Variants in ACTL6A observed in about 807,000 individuals in gnomAD.
ACTL6A encodes the protein actin-like protein 6A.
A neutral mutation model predicts 59.2 loss-of-function variants in ACTL6A; 5 were observed. The observed-to-expected ratio is 0.08, with a 90% CI of 0.04 to 0.18. ACTL6A has a LOEUF of 0.18. Among genes scored for constraint, ACTL6A ranks in the 10% least tolerant of loss-of-function variants. The pLI is 1.00. For missense variants in ACTL6A, 285 were observed against 526.9 expected (o/e 0.54, Z 4.49); for synonymous variants, 154 against 171.8 (o/e 0.90, Z 0.81).
chr3:179,563,860 G>A (rs1196268597), intron 1 of ACTL6A, among the ~76,000 whole-genome samples: 1 of 152,134 alleles, frequency 6.6e-6, no homozygotes, highest in Admixed American at 6.5e-5. Context: ...GGTGTGGTAG[G>A]AAGATTACCA....
intron 8 of ACTL6A, among the ~76,000 whole-genome samples, chr3:179,577,701 A>G (rs578115471): frequency 6.6e-6 from 1 of 152,120 alleles, no homozygotes; most frequent in East Asian, 1.9e-4. Context: ...CTCATCATCT[A>G]GCTCTCACTT....
chr3:179,580,848 G>A (rs762269504), intron 9 of ACTL6A, 46 bp from the exon 10 acceptor site: 2 of 1,505,148 alleles, frequency 1.3e-6, no homozygotes, highest in Non-Finnish European at 1.8e-6. Flanking sequence ...ATTTTGAAGA[G>A]AATTATTTTT....
At chr3:179,565,950 C>T (rs191313899) in intron 1 of ACTL6A, among the ~76,000 whole-genome samples, 106 of 152,030 alleles carry the variant, frequency 7.0e-4, no homozygotes, top group African/African-American at 2.3e-3. Context: ...TTGTAGTTTC[C>T]CGGTTGAGAT....
At chr3:179,576,074 T>C in intron 5 of ACTL6A, 143 bp from the exon 6 acceptor site, 1 of 601,654 alleles carries the variant, frequency 1.7e-6, no homozygotes, top group Non-Finnish European at 2.9e-6. Flanking sequence ...CCAATTTTTA[T>C]CCCTAGATTC....
chr3:179,583,260 A>G (rs1718387264), intron 11 of ACTL6A, 93 bp from the exon 12 acceptor site: 2 of 971,582 alleles, frequency 2.1e-6, no homozygotes, highest in South Asian at 1.5e-5. Context: ...CGAAAGGGAA[A>G]TTGTAGTAGA....
At chr3:179,575,470 G>A (rs138438642) in intron 5 of ACTL6A, 2 of 456,448 alleles carry the variant, frequency 4.4e-6, no homozygotes, top group African/African-American at 4.0e-5. Flanking sequence ...GTGCACCATT[G>A]TGTGTCTACT....
Position 179,584,328 on chromosome 3 carries a change from A to G in ACTL6A, c.1122+880A>G, listed in dbSNP as rs555553354. The stretch of plus-strand genomic sequence containing the variant: ...ACAGAATGACAGTTATAATCTTTTA[A>G]CTTTAAAATTTCTATCAGCTGGGCG... On this transcript the variant is annotated intron_variant, in intron 12 of 13. Transcript: ENST00000429709. 2.6e-5 allele frequency: 4 copies of G among 152,326 alleles called. No homozygotes were observed. The East Asian group carries it at 7.7e-4, about 29-fold the overall frequency. 9.4% of individuals were successfully genotyped at this position (152,326 alleles called of 1,614,324 possible). A position where few individuals can be genotyped will look rare whatever the true frequency, so the allele number is the denominator to read the frequency against.
chr3:179,586,340 C>T (rs1235533212), intron 12 of ACTL6A: 1 of 399,526 alleles, frequency 2.5e-6, no homozygotes, highest in Admixed American at 4.8e-5. Context: ...ATTGAATTTC[C>T]TGGCTGGGTG....
At position 179,576,283 on chromosome 3, in the gene ACTL6A, A is replaced by G. The variant is rs137876412; in HGVS notation, c.543A>G (p.Pro181=). ...GAGCCACTCATACCACTGCAATTCC[A>G]GTCCACGATGGCTATGTCCTTCAAC... ...DSGATHTTAI[P]VHDGYVLQQG... Residue 181 remains proline (P), a synonymous_variant, in exon 6 of 14, where the codon CCA becomes CCG. Coordinates refer to ENST00000429709, the MANE Select transcript of ACTL6A (RefSeq NM_004301.5). The G allele has an allele frequency of 3.1e-6, 5 of 1,606,598 alleles. No homozygotes were observed. The African/African-American group carries it at 6.7e-5, about 22-fold the overall frequency.
chr3:179,583,266 G>A, intron 11 of ACTL6A, 87 bp from the exon 12 acceptor site: 1 of 1,026,548 alleles, frequency 9.7e-7, no homozygotes, highest in South Asian at 1.4e-5. Context: ...GGAAATTGTA[G>A]TAGAGCACAT....
rs1458097474 is a variant in ACTL6A at position 179,576,907 on chromosome 3, G to T, written c.762G>T (p.Met254Ile). The T allele has an allele frequency of 2.5e-6, 4 of 1,611,714 alleles. No individual in the cohort carries two copies. Among genetic ancestry groups the T allele is most frequent in the Non-Finnish European group, 3.4e-6 (4 of 1,179,016 alleles). ...TTACGAGGTCTTGGCACAATTATAT[G>T]TGTAATGTAAGTAACCCTCATTCTC... The part of the protein sequence containing the change: ...PQVTRSWHNY[M>I]CNCVIQDFQA... Residue 254 changes from methionine (M) to isoleucine (I), a missense_variant, in exon 8 of 14, where the codon ATG becomes ATT. Physicochemically the swap from Met to Ile is conservative, Grantham distance 10. Coordinates refer to ENST00000429709, the MANE Select transcript of ACTL6A (RefSeq NM_004301.5).
chr3:179,569,537 G>A (rs1717939815), intron 1 of ACTL6A, among the ~76,000 whole-genome samples: 1 of 152,166 alleles, frequency 6.6e-6, no homozygotes, highest in African/African-American at 2.4e-5. Context: ...AGGTTCAAGT[G>A]AGTAATAATA....
At chr3:179,573,244 C>G (rs1718066248) in intron 3 of ACTL6A, 125 bp from the exon 4 acceptor site, 1 of 584,722 alleles carries the variant, frequency 1.7e-6, no homozygotes, top group South Asian at 3.0e-5. Context: ...TGAAGTTGAT[C>G]TGTAAAATCA....
At chr3:179,581,056 A>G (rs1718324802) in intron 10 of ACTL6A, 48 bp downstream of exon 10, 1 of 1,600,932 alleles carries the variant, frequency 6.2e-7, no homozygotes, top group South Asian at 1.1e-5. Context: ...TATATAGGTA[A>G]AGAGCTTTTG....
Position 179,581,008 on chromosome 3 carries a change from G to A in ACTL6A, c.945G>A (p.Lys315=). The A allele has an allele frequency of 6.3e-7, 1 of 1,594,416 alleles. No individual in the cohort carries two copies. The highest frequency in any genetic ancestry group is 8.5e-7 in the Non-Finnish European group (1 of 1,174,602). ...PEGLFDPSNV[K]GLSGNTMLGV... is the part of the protein sequence containing the mutation. ...GATTATTTGACCCTTCCAATGTAAA[G>A]GTATAAAAGCTTATTTCATAATTAG... Residue 315 remains lysine, a splice_region_variant and synonymous_variant, in exon 10 of 14, where the codon AAG becomes AAA. Coordinates refer to ENST00000429709, the MANE Select transcript of ACTL6A (RefSeq NM_004301.5).
chr3:179,573,893 T>G (rs568982248), intron 4 of ACTL6A, among the ~76,000 whole-genome samples: 1 of 152,284 alleles, frequency 6.6e-6, no homozygotes, highest in East Asian at 1.9e-4. Context: ...TCTTGTGAAA[T>G]ACATTTGGTA....
At chr3:179,584,465 C>T (rs1275596677) in intron 12 of ACTL6A, 3 of 152,088 alleles carry the variant, frequency 2.0e-5, no homozygotes, top group African/African-American at 7.2e-5. Flanking sequence ...ACTAAGAATA[C>T]AAAAATTAGC....
intron 11 of ACTL6A, among the ~76,000 whole-genome samples, chr3:179,582,580 T>C (rs1229052118): frequency 3.3e-5 from 5 of 152,218 alleles, no homozygotes; most frequent in African/African-American, 9.7e-5. Context: ...CATAAAATAA[T>C]TGTCTAATTT....
At chr3:179,579,816 TC>T (rs2108366431) in intron 8 of ACTL6A, among the ~76,000 whole-genome samples, 1 of 152,286 alleles carries the variant, frequency 6.6e-6, no homozygotes, top group South Asian at 2.1e-4. Flanking sequence ...AGGGTCTCTC[TC>T]TGTCACCCAG....
Sources: allele counts gnomAD v4.1 joint callset (sites outside exome capture counted in the v4.1 genomes callset), GRCh38; gene constraint gnomAD v4.1.1; transcripts MANE v1.5; gene names NCBI Gene and HGNC (gene_info 2026-07-23, HGNC 2026-07-21).